Variants in TOP1 observed in about 807,000 individuals in gnomAD.
TOP1 encodes DNA topoisomerase I.
A neutral mutation model predicts 111.1 loss-of-function variants in TOP1; 10 were observed. That is an observed-to-expected ratio of 0.09 (90% CI 0.06 to 0.15). The LOEUF (loss-of-function observed/expected upper bound fraction) is 0.15. TOP1 is among the 10% of genes least tolerant of loss of function. The pLI, the probability that TOP1 is intolerant of heterozygous loss-of-function variation, is 1.00. For synonymous variants in TOP1, 271 were observed against 302.9 expected, an observed-to-expected ratio of 0.89 and a Z score of 1.10; for missense variants, 474 against 926.7, an observed-to-expected ratio of 0.51 and a Z score of 6.34.
chr20:41,101,385 A>T lies in TOP1; in HGVS notation c.1308+32A>T. ...GGATAGTTGAGAGCTGCACTGGTTC[A>T]TGGTGCTGATAACCTTTTTTTGTTG... On this transcript the variant is annotated intron_variant, in intron 13 of 20. Coordinates refer to ENST00000361337, the MANE Select transcript of TOP1 (RefSeq NM_003286.4). This position sits in a 1 kb window ranked among gnomAD's most constrained non-coding sequence, Gnocchi z 4.1. The T allele has an allele frequency of 6.3e-7, 1 of 1,599,980 alleles. No individual in the cohort carries two copies. Among genetic ancestry groups the T allele is most frequent in the Non-Finnish European group, 8.6e-7 (1 of 1,169,560 alleles).
rs577628876 is a variant in TOP1 at position 41,057,035 on chromosome 20, G to A, written c.59-4359G>A. Among the ~76,000 whole-genome samples the A allele has an allele frequency of 9.9e-5, 15 of 152,180 alleles. No homozygotes were observed. In the East Asian group the frequency reaches 2.7e-3, roughly 27 times the overall value. On this transcript the variant is annotated intron_variant, in intron 2 of 20. Transcript: ENST00000361337. ...CAGCACCAGACTTTGGGAGGCTGAG[G>A]CAGATGGATTGCCTGAGCTCAGGAG...
chr20:41,072,889 A>C, intron 3 of TOP1: 7 of 985,428 alleles, frequency 7.1e-6, no homozygotes, highest in Non-Finnish European at 8.4e-6. Context: ...TCTTATGCCT[A>C]AACAGTTAGG....
chr20:41,113,715 C>CAAAAAAAAAAA (rs987087793), intron 14 of TOP1, among the ~76,000 whole-genome samples: 4 of 103,596 alleles, frequency 3.9e-5, no homozygotes, highest in Admixed American at 1.0e-4. Flanking sequence ...ACTAAAAATA[C>CAAAAAAAAAAA]AAAAAAAAAA....
chr20:41,037,796 A>C (rs967580492), intron 2 of TOP1, among the ~76,000 whole-genome samples: 1 of 152,228 alleles, frequency 6.6e-6, no homozygotes, highest in Non-Finnish European at 1.5e-5. Context: ...CATTAGGTTT[A>C]AGCCAAATGG....
In TOP1 at chr20:41,118,086, C is replaced by T. The variant is rs185767098; in HGVS notation, c.1823-83C>T. 9 of 1,450,566 alleles carry T rather than the reference C, an allele frequency of 6.2e-6. No homozygotes were observed. Among genetic ancestry groups the T allele is most frequent in the East Asian group, 2.3e-5 (1 of 42,992 alleles). 89.9% of individuals were successfully genotyped at this position (1,450,566 alleles called of 1,614,324 possible). ...ATAAGAGCCAGCAAAATCATGGGGACGAGGCACTGGGGGAAGACATACTGT... is the reference window on the plus strand; with the variant it reads ...ATAAGAGCCAGCAAAATCATGGGGATGAGGCACTGGGGGAAGACATACTGT... On this transcript the variant is annotated intron_variant, in intron 17 of 20. Transcript: ENST00000361337. The surrounding 1 kb of genome is among the most constrained non-coding windows in gnomAD (Gnocchi z 4.6).
At position 41,118,079 on chromosome 20, in the gene TOP1, A is replaced by T. The variant is rs942816300; in HGVS notation, c.1823-90A>T. The T allele has an allele frequency of 3.5e-6, 5 of 1,413,428 alleles. No individual in the cohort carries two copies. In the South Asian group the frequency reaches 7.4e-5, roughly 21 times the overall value. 87.6% of individuals were successfully genotyped at this position (1,413,428 alleles called of 1,614,324 possible). On this transcript the variant is annotated intron_variant, in intron 17 of 20. Transcript: ENST00000361337. This position sits in a 1 kb window ranked among gnomAD's most constrained non-coding sequence, Gnocchi z 4.6. ...GAGTAAGATAAGAGCCAGCAAAATC[A>T]TGGGGACGAGGCACTGGGGGAAGAC...
rs774059660 is a variant in TOP1, at chr20:41,029,695, G to T, written c.58+240G>T. The T allele has an allele frequency of 5.1e-5, 30 of 584,264 alleles. No individual in the cohort carries two copies. Among genetic ancestry groups the T allele is most frequent in the South Asian group, 3.0e-4 (17 of 55,780 alleles). The allele number at this position is 584,264 out of a possible 1,614,324, so 36.2% of individuals were successfully genotyped here. On this transcript the variant is annotated intron_variant, in intron 2 of 20. Coordinates refer to ENST00000361337, the MANE Select transcript of TOP1 (RefSeq NM_003286.4). This position sits in a 1 kb window ranked among gnomAD's most constrained non-coding sequence, Gnocchi z 6.1. ...CGGAGACCCCGTGTCGTCCGCCACC[G>T]GGCCTCGGGCGGTCTTTCCGGGCCG...
chr20:41,079,795 G>A lies in TOP1; in HGVS notation c.336-290G>A, dbSNP rs995532574. On this transcript the variant is annotated intron_variant, in intron 5 of 20. Transcript: ENST00000361337. This position sits in a 1 kb window ranked among gnomAD's most constrained non-coding sequence, Gnocchi z 4.0. ...CTTAGGTTTATTTCTGGAGTGGTTC[G>A]TGCCATGCTGGCAAAGATAGCTAAG... Among the ~76,000 whole-genome samples the A allele has an allele frequency of 6.6e-6, 1 of 152,172 alleles. No individual in the cohort carries two copies. Among genetic ancestry groups the A allele is most frequent in the Non-Finnish European group, 1.5e-5 (1 of 68,034 alleles).
rs374999084 is a variant in TOP1, at chr20:41,097,296, T to A, written c.807T>A (p.Thr269=). 6 of 1,613,660 alleles carry A rather than the reference T, an allele frequency of 3.7e-6. No individual in the cohort carries two copies. The African/African-American group carries it at 8.0e-5, about 22-fold the overall frequency. The change falls in exon 10 of 21, where the codon ACT becomes ACA. Residue 269 remains threonine (T), a synonymous_variant. Transcript: ENST00000361337. The surrounding 1 kb of genome is among the most constrained non-coding windows in gnomAD (Gnocchi z 4.2). ...CAAAAATGCTCGACCATGAATATAC[T>A]ACCAAGGAAATATTTAGGAAAAATT... is the stretch of plus-strand genomic sequence containing the variant. ...FFAKMLDHEY[T]TKEIFRKNFF...
chr20:41,120,061 C>T (rs1321119423), intron 18 of TOP1, among the ~76,000 whole-genome samples: 1 of 152,308 alleles, frequency 6.6e-6, no homozygotes, highest in South Asian at 2.1e-4. Context: ...TCCTGTGTGC[C>T]CACAAAGCAA....
chr20:41,038,806 GA>G (rs1341932245), intron 2 of TOP1, among the ~76,000 whole-genome samples: 2 of 152,040 alleles, frequency 1.3e-5, no homozygotes, highest in African/African-American at 2.4e-5. Context: ...GGCAACATGG[GA>G]AAAACCTGTC....
chr20:41,072,470 C>G, intron 3 of TOP1: 1 of 985,452 alleles, frequency 1.0e-6, no homozygotes, highest in Non-Finnish European at 1.2e-6. Flanking sequence ...GTCAGCCTGA[C>G]TGACCCCACA....
Position 41,092,432 on chromosome 20 carries a change from A to G in TOP1, c.615-40A>G. The G allele has an allele frequency of 2.0e-6, 2 of 1,001,776 alleles. No individual in the cohort carries two copies. Among genetic ancestry groups the G allele is most frequent in the Non-Finnish European group, 3.0e-6 (2 of 668,936 alleles). The allele number at this position is 1,001,776 out of a possible 1,614,324, so 62.1% of individuals were successfully genotyped here. A position where few individuals can be genotyped will look rare whatever the true frequency, so the allele number is the denominator to read the frequency against. ...ATCAGTGATGATCCCCATGTTAGAC[A>G]AGGCGATCACTAAATGAGGCTGTGC... On this transcript the variant is annotated intron_variant, in intron 8 of 20. Coordinates refer to ENST00000361337, the MANE Select transcript of TOP1 (RefSeq NM_003286.4). The surrounding 1 kb of genome is among the most constrained non-coding windows in gnomAD (Gnocchi z 4.3).
At position 41,121,938 on chromosome 20, in the gene TOP1, AG is replaced by A; in HGVS notation, c.2046-66del. 3 of 1,582,732 alleles carry A rather than the reference AG, an allele frequency of 1.9e-6. No individual in the cohort carries two copies. Among genetic ancestry groups the A allele is most frequent in the Non-Finnish European group, 2.6e-6 (3 of 1,161,990 alleles). ...AGGGCTTTTATTGACTCAAAGTGGC[AG>A]GATGGGTACAGTGTGCTCTTGTCTA... On this transcript the variant is annotated intron_variant, in intron 19 of 20. Coordinates refer to ENST00000361337, the MANE Select transcript of TOP1 (RefSeq NM_003286.4). The surrounding 1 kb of genome is among the most constrained non-coding windows in gnomAD (Gnocchi z 4.2).
chr20:41,062,588 A>G (rs1333647954), intron 3 of TOP1, among the ~76,000 whole-genome samples: 1 of 152,152 alleles, frequency 6.6e-6, no homozygotes, highest in East Asian at 1.9e-4. Context: ...GCTTATGTTA[A>G]TATCTACCGT....
At chr20:41,048,201 A>G (rs1003994406) in intron 2 of TOP1, among the ~76,000 whole-genome samples, 4 of 152,208 alleles carry the variant, frequency 2.6e-5, no homozygotes, top group African/African-American at 9.6e-5. Context: ...TCAGCAGCAC[A>G]TGAATTTTTG....
chr20:41,088,582 C>T (rs766866957), intron 8 of TOP1, among the ~76,000 whole-genome samples: 3 of 152,038 alleles, frequency 2.0e-5, no homozygotes, highest in East Asian at 3.9e-4. Flanking sequence ...GAAAGGGTGG[C>T]GTTCGGAATC....
At chr20:41,085,663 T>C (rs2033839492) in intron 8 of TOP1, among the ~76,000 whole-genome samples, 1 of 152,208 alleles carries the variant, frequency 6.6e-6, no homozygotes, top group African/African-American at 2.4e-5. Flanking sequence ...CATTTTCCTT[T>C]CCAGCTTTCC....
chr20:41,039,071 C>T (rs910709465), intron 2 of TOP1, among the ~76,000 whole-genome samples: 3 of 151,942 alleles, frequency 2.0e-5, no homozygotes. Context: ...CAATATTTGG[C>T]ATCTACTTAG....
Sources: allele counts gnomAD v4.1 joint callset (sites outside exome capture counted in the v4.1 genomes callset), GRCh38; gene constraint gnomAD v4.1.1; non-coding constraint Gnocchi (gnomAD v3.1); transcripts MANE v1.5; gene names NCBI Gene and HGNC (gene_info 2026-07-23, HGNC 2026-07-21).